The following NETO1 variants were observed in gnomAD, a reference collection of about 807,000 sequenced individuals.
NETO1 encodes the protein neuropilin and tolloid like 1.
Under a neutral mutation model 61.3 loss-of-function variants are expected in NETO1, and 26 were observed. That is an observed-to-expected ratio of 0.42 (90% CI 0.31 to 0.59). The LOEUF (loss-of-function observed/expected upper bound fraction) is 0.59. Ranked by LOEUF, NETO1 falls within the 20% of genes least tolerant of loss-of-function variation. The pLI is 0.12. For missense variants in NETO1, 531 were observed against 662.8 expected (o/e 0.80, Z 2.18); for synonymous variants, 225 against 225.8 (o/e 1.00, Z 0.03).
chr18:72,835,401 G>A, intron 4 of NETO1: 2 of 1,211,428 alleles, frequency 1.7e-6, no homozygotes, highest in Non-Finnish European at 2.4e-6. Flanking sequence ...CACTTTAACA[G>A]CTGTTTGGGT....
intron 7 of NETO1, among the ~76,000 whole-genome samples, chr18:72,760,747 C>T (rs2070943330): frequency 6.9e-6 from 1 of 145,546 alleles, no homozygotes; most frequent in African/African-American, 2.4e-5. Flanking sequence ...TGAATACAAA[C>T]ATTACAAGAC....
chr18:72,804,904 C>A (rs1176851317), intron 4 of NETO1, among the ~76,000 whole-genome samples: 1 of 152,200 alleles, frequency 6.6e-6, no homozygotes, highest in African/African-American at 2.4e-5. Context: ...TTTTTACTGA[C>A]AAGTAGACAC....
Position 72,858,898 on chromosome 18 carries a change from G to A in NETO1, c.397C>T (p.Leu133=), listed in dbSNP as rs2074485521. The change falls in exon 4 of 11, where the codon CTA becomes TTA. Residue 133 remains leucine, a synonymous_variant. Coordinates refer to ENST00000327305, the MANE Select transcript of NETO1 (RefSeq NM_138966.5). ...PPVIKSSGRF[L]WIKFFADGEL... ...CCATCAGCAAAAAATTTAATCCATA[G>A]AAATCTTCCACTGGATTTTATGACA... 6.2e-7 allele frequency: 1 copy of A among 1,613,656 alleles called. No homozygotes were observed. Among genetic ancestry groups the A allele is most frequent in the Non-Finnish European group, 8.5e-7 (1 of 1,179,854 alleles).
chr18:72,864,599 G>A lies in NETO1; in HGVS notation c.220+209C>T, dbSNP rs145702659. Among the ~76,000 whole-genome samples, 302 of 152,272 alleles carry A rather than the reference G, an allele frequency of 2.0e-3. 2 individuals are homozygous for A. In the Middle Eastern group the frequency reaches 0.02, roughly 10 times the overall value. Reference sequence around the variant, plus strand: ...GTTGTTCATCTGTTTTTATTGCACAGAATTTGCTTGTTCATAACCCACTAC... The same window carrying A: ...GTTGTTCATCTGTTTTTATTGCACAAAATTTGCTTGTTCATAACCCACTAC... On this transcript the variant is annotated intron_variant, in intron 3 of 10. Coordinates refer to ENST00000327305, the MANE Select transcript of NETO1 (RefSeq NM_138966.5).
chr18:72,817,490 AC>A (rs1187165569), intron 4 of NETO1, among the ~76,000 whole-genome samples: 1 of 152,256 alleles, frequency 6.6e-6, no homozygotes, highest in Non-Finnish European at 1.5e-5. Flanking sequence ...TGTGTAAGCC[AC>A]TAAATGTTAG....
chr18:72,827,718 A>G (rs79048918), intron 4 of NETO1, among the ~76,000 whole-genome samples: 24 of 147,302 alleles, frequency 1.6e-4, no homozygotes, highest in Non-Finnish European at 3.3e-4. Flanking sequence ...CCCTGTCTCA[A>G]AAAAAAAAAA....
downstream of NETO1, among the ~76,000 whole-genome samples, chr18:72,743,473 C>G (rs554924511): frequency 1.3e-5 from 2 of 152,250 alleles, no homozygotes; most frequent in Admixed American, 6.5e-5. Context: ...TTATTTTTAT[C>G]TTCCATGGAA....
chr18:72,795,127 G>C (rs965161097), intron 4 of NETO1, among the ~76,000 whole-genome samples: 2 of 152,216 alleles, frequency 1.3e-5, no homozygotes, highest in African/African-American at 4.8e-5. Flanking sequence ...AGCCTGCTGT[G>C]TCATGAGTCT....
chr18:72,825,374 T>G (rs2073342115), intron 4 of NETO1, among the ~76,000 whole-genome samples: 1 of 152,208 alleles, frequency 6.6e-6, no homozygotes. Flanking sequence ...CAAAAAGTGT[T>G]GATAACCCTT....
At chr18:72,811,579 G>A (rs555521509) in intron 4 of NETO1, among the ~76,000 whole-genome samples, 186 of 152,248 alleles carry the variant, frequency 1.2e-3, no homozygotes, top group Non-Finnish European at 2.4e-3. Flanking sequence ...CAGAAAAGGA[G>A]GATCTTTTGA....
intron 7 of NETO1, among the ~76,000 whole-genome samples, chr18:72,758,101 T>C (rs1163310692): frequency 1.3e-5 from 2 of 152,142 alleles, no homozygotes; most frequent in Non-Finnish European, 1.5e-5. Flanking sequence ...CATTGCATTC[T>C]GGTAATCGAG....
intron 8 of NETO1, among the ~76,000 whole-genome samples, chr18:72,753,938 T>C (rs1401663238): frequency 6.6e-6 from 1 of 152,152 alleles, no homozygotes; most frequent in Non-Finnish European, 1.5e-5. Flanking sequence ...ATACTTGCTG[T>C]CCTTTCTTCT....
At chr18:72,844,102 C>T (rs1212062099) in intron 4 of NETO1, among the ~76,000 whole-genome samples, 1 of 152,146 alleles carries the variant, frequency 6.6e-6, no homozygotes, top group African/African-American at 2.4e-5. Flanking sequence ...TAAAAGCAAA[C>T]AGAACATTCT....
chr18:72,828,444 A>C (rs1017888068), intron 4 of NETO1, among the ~76,000 whole-genome samples: 1 of 152,240 alleles, frequency 6.6e-6, no homozygotes, highest in Admixed American at 6.5e-5. Flanking sequence ...GTAGATATAC[A>C]TGCACTGTTT....
intron 7 of NETO1, among the ~76,000 whole-genome samples, chr18:72,772,262 G>C (rs2071376797): frequency 6.6e-6 from 1 of 152,050 alleles, no homozygotes; most frequent in South Asian, 2.1e-4. Flanking sequence ...TCTTTATTTA[G>C]CTGGCTCAGA....
At position 72,794,164 on chromosome 18, in the gene NETO1, C is replaced by T. The variant is rs762980649; in HGVS notation, c.592G>A (p.Glu198Lys). The T allele has an allele frequency of 6.2e-7, 1 of 1,614,150 alleles. No homozygotes were observed. The highest frequency in any genetic ancestry group is 8.5e-7 in the Non-Finnish European group (1 of 1,180,022). Residue 198 changes from glutamate to lysine, a missense_variant, in exon 6 of 11, where the codon GAG becomes AAG. Transcript: ENST00000327305. Reference sequence around the variant, plus strand: ...ATGTACCACTTGCAATCAACAGCCTCGCTAGCAGTAGCTTTGCCTTCCTTC... The same window carrying T: ...ATGTACCACTTGCAATCAACAGCCTTGCTAGCAGTAGCTTTGCCTTCCTTC... Reference protein sequence around the residue: ...IMKEGKATASEAVDCKWYIRA... With the variant: ...IMKEGKATASKAVDCKWYIRA...
At chr18:72,797,001 CA>C (rs1200954132) in intron 4 of NETO1, among the ~76,000 whole-genome samples, 2 of 152,136 alleles carry the variant, frequency 1.3e-5, no homozygotes, top group Non-Finnish European at 2.9e-5. Flanking sequence ...TTGTTCTCAT[CA>C]AGCAGTTCCA....
intron 4 of NETO1, among the ~76,000 whole-genome samples, chr18:72,846,842 T>C (rs2074105532): frequency 2.6e-5 from 4 of 152,210 alleles, no homozygotes; most frequent in Admixed American, 1.3e-4. Flanking sequence ...ATCTTACTTA[T>C]CATTGCCATG....
chr18:72,795,800 G>A (rs1313191956), intron 4 of NETO1, among the ~76,000 whole-genome samples: 1 of 152,100 alleles, frequency 6.6e-6, no homozygotes, highest in African/African-American at 2.4e-5. Context: ...GTATATTATA[G>A]GATATATTGT....
Sources: allele counts gnomAD v4.1 joint callset (sites outside exome capture counted in the v4.1 genomes callset), GRCh38; gene constraint gnomAD v4.1.1; transcripts MANE v1.5; gene names NCBI Gene and HGNC (gene_info 2026-07-23, HGNC 2026-07-21).